Variants in PCDH9 observed in about 807,000 individuals in gnomAD.
PCDH9 encodes protocadherin-9.
Under a neutral mutation model 70.6 loss-of-function variants are expected in PCDH9, and 24 were observed. That is an observed-to-expected ratio of 0.34 (90% CI 0.25 to 0.48). The LOEUF (loss-of-function observed/expected upper bound fraction) is 0.48. Ranked by LOEUF, PCDH9 falls within the 20% of genes least tolerant of loss-of-function variation. PCDH9 has a pLI of 0.99. For missense variants in PCDH9, 1,281 were observed against 1,503.6 expected, an observed-to-expected ratio of 0.85 and a Z score of 2.45; for synonymous variants, 562 against 558.5, an observed-to-expected ratio of 1.01 and a Z score of -0.09.
chr13:66,457,423 G>T (rs1958338941), intron 4 of PCDH9, among the ~76,000 whole-genome samples: 1 of 152,008 alleles, frequency 6.6e-6, no homozygotes, highest in South Asian at 2.1e-4. Flanking sequence ...AGCATTTCCA[G>T]TTTTAAAATA....
chr13:66,714,166 T>A (rs2078837349), intron 3 of PCDH9, among the ~76,000 whole-genome samples: 1 of 152,132 alleles, frequency 6.6e-6, no homozygotes, highest in South Asian at 2.1e-4. Context: ...TTTTAAATAT[T>A]GTTTTAAAGA....
intron 4 of PCDH9, among the ~76,000 whole-genome samples, chr13:66,378,542 T>C (rs1363222228): frequency 6.6e-6 from 1 of 152,166 alleles, no homozygotes; most frequent in Non-Finnish European, 1.5e-5. Flanking sequence ...TGAAAACCTG[T>C]TTTTAGGAGC....
chr13:67,070,344 A>G (rs2085736490), intron 2 of PCDH9, among the ~76,000 whole-genome samples: 1 of 152,142 alleles, frequency 6.6e-6, no homozygotes, highest in Non-Finnish European at 1.5e-5. Flanking sequence ...AGGTTCAAAA[A>G]AGAAAGTTCA....
chr13:66,479,714 T>A (rs757640811), intron 4 of PCDH9, among the ~76,000 whole-genome samples: 4 of 152,100 alleles, frequency 2.6e-5, no homozygotes, highest in Middle Eastern at 3.2e-3. Flanking sequence ...GATTGTAAAT[T>A]CACCAATCAG....
In PCDH9 at chr13:66,891,890, A is replaced by C. The variant is rs74093651; in HGVS notation, c.3138+11614T>G. On this transcript the variant is annotated intron_variant, in intron 3 of 4. Coordinates refer to ENST00000377865, the MANE Select transcript of PCDH9 (RefSeq NM_203487.3). ...TTAGACTCCAGCACTGACTGGAATT[A>C]TTTGAGAGAATGTGAGTCCTGGATA... is the stretch of plus-strand genomic sequence containing the variant. Among the ~76,000 whole-genome samples the C allele has an allele frequency of 9.5e-3, 1,433 of 151,542 alleles. 20 individuals are homozygous for C. Among genetic ancestry groups the C allele is most frequent in the African/African-American group, 0.033 (1,373 of 41,310 alleles).
At chr13:66,404,600 T>A (rs1957248336) in intron 4 of PCDH9, among the ~76,000 whole-genome samples, 1 of 151,800 alleles carries the variant, frequency 6.6e-6, no homozygotes, top group East Asian at 1.9e-4. Context: ...AGGGAAGGAA[T>A]GAAAAGACAA....
chr13:66,350,460 C>T (rs1956277268), intron 4 of PCDH9, among the ~76,000 whole-genome samples: 1 of 152,136 alleles, frequency 6.6e-6, no homozygotes, highest in African/African-American at 2.4e-5. Flanking sequence ...CTACTAGGTA[C>T]TGGAGTCTTA....
intron 2 of PCDH9, among the ~76,000 whole-genome samples, chr13:66,922,558 T>C (rs1262846433): frequency 6.6e-6 from 1 of 151,452 alleles, no homozygotes; most frequent in Non-Finnish European, 1.5e-5. Context: ...CAGAAGTAAC[T>C]TCCTTATGTT....
intron 4 of PCDH9, among the ~76,000 whole-genome samples, chr13:66,609,976 G>A (rs1414851801): frequency 4.9e-5 from 2 of 40,762 alleles, no homozygotes; most frequent in Non-Finnish European, 9.3e-5. Context: ...TTTTTTTTTT[G>A]AGACGGAGTC....
chr13:66,475,296 G>A (rs1276477150), intron 4 of PCDH9, among the ~76,000 whole-genome samples: 1 of 152,036 alleles, frequency 6.6e-6, no homozygotes, highest in Non-Finnish European at 1.5e-5. Context: ...CACAAAATAT[G>A]TTAATTACCT....
chr13:66,738,790 GA>G lies in PCDH9; in HGVS notation c.3139-107380del, dbSNP rs547987911. Among the ~76,000 whole-genome samples, 71 of 151,936 alleles carry G rather than the reference GA, an allele frequency of 4.7e-4. 2 individuals are homozygous for G. The South Asian group carries it at 0.014, about 30-fold the overall frequency. Reference sequence around the variant, plus strand: ...AATGAAGCGAGAAGGGAAGTTCAGAGAAAAAAAATAAAAAGAAATGAGCAAA... The same window carrying G: ...AATGAAGCGAGAAGGGAAGTTCAGAGAAAAAAATAAAAAGAAATGAGCAAA... On this transcript the variant is annotated intron_variant, in intron 3 of 4. Coordinates refer to ENST00000377865, the MANE Select transcript of PCDH9 (RefSeq NM_203487.3).
chr13:66,924,983 G>A (rs954092810), intron 2 of PCDH9, among the ~76,000 whole-genome samples: 5 of 151,612 alleles, frequency 3.3e-5, no homozygotes, highest in Non-Finnish European at 5.9e-5. Context: ...ATATAAACAT[G>A]ATTTTTTTTA....
chr13:66,807,870 G>T (rs2080435969), intron 3 of PCDH9, among the ~76,000 whole-genome samples: 1 of 152,090 alleles, frequency 6.6e-6, no homozygotes, highest in Non-Finnish European at 1.5e-5. Flanking sequence ...GAACTTTCAT[G>T]AACTCATGGA....
intron 2 of PCDH9, among the ~76,000 whole-genome samples, chr13:67,200,232 T>G (rs929639783): frequency 1.4e-4 from 22 of 152,130 alleles, no homozygotes; most frequent in African/African-American, 5.3e-4. Flanking sequence ...ACTGGGAGAG[T>G]TATTTTCTAT....
chr13:67,212,783 T>C (rs2089494625), intron 2 of PCDH9: 1 of 152,130 alleles, frequency 6.6e-6, no homozygotes, highest in African/African-American at 2.4e-5. Flanking sequence ...GAAAAAGTTC[T>C]TCAGGGAACC....
intron 4 of PCDH9, among the ~76,000 whole-genome samples, chr13:66,336,060 A>G (rs969300088): frequency 6.6e-6 from 1 of 152,092 alleles, no homozygotes; most frequent in Non-Finnish European, 1.5e-5. Flanking sequence ...GGTAATGGGT[A>G]CATAATGGAA....
chr13:66,448,084 C>G (rs1958132004), intron 4 of PCDH9, among the ~76,000 whole-genome samples: 1 of 151,804 alleles, frequency 6.6e-6, no homozygotes, highest in Non-Finnish European at 1.5e-5. Context: ...CTCTCTTTAT[C>G]CAATAAAGAA....
intron 3 of PCDH9, among the ~76,000 whole-genome samples, chr13:66,753,906 T>C (rs2079498901): frequency 6.6e-6 from 1 of 152,214 alleles, no homozygotes; most frequent in African/African-American, 2.4e-5. Context: ...AAATTTGTTG[T>C]AATAACATTA....
chr13:66,969,307 C>A (rs576265981), intron 2 of PCDH9, among the ~76,000 whole-genome samples: 1 of 151,974 alleles, frequency 6.6e-6, no homozygotes, highest in South Asian at 2.1e-4. Context: ...TTTTGGAATT[C>A]AGAGCCTCAA....
Sources: allele counts gnomAD v4.1 joint callset (sites outside exome capture counted in the v4.1 genomes callset), GRCh38; gene constraint gnomAD v4.1.1; transcripts MANE v1.5; gene names NCBI Gene and HGNC (gene_info 2026-07-23, HGNC 2026-07-21).